The following TYW1B variants were observed in gnomAD, a reference collection of about 807,000 sequenced individuals.
TYW1B encodes tRNA-yW synthesizing protein 1 homolog B, also known as S-adenosyl-L-methionine-dependent tRNA 4-demethylwyosine synthase TYW1B.
A neutral mutation model predicts 86.9 loss-of-function variants in TYW1B; 73 were observed. The observed-to-expected ratio is 0.84, with a 90% CI of 0.70 to 1.02. TYW1B has a LOEUF of 1.02. TYW1B is among the 50% of genes least tolerant of loss of function. TYW1B has a pLI of 0.00. For missense variants in TYW1B, 637 were observed against 827.4 expected (o/e 0.77, Z 2.82); for synonymous variants, 248 against 292.8 (o/e 0.85, Z 1.56).
intron 10 of TYW1B, among the ~76,000 whole-genome samples, chr7:72,706,379 A>G (rs1814614207): frequency 6.9e-6 from 1 of 145,914 alleles, no homozygotes; most frequent in Non-Finnish European, 1.5e-5. Context: ...GTGAGCCGAG[A>G]TCGCACCAGT....
chr7:72,755,456 A>C (rs1359813644), intron 7 of TYW1B, among the ~76,000 whole-genome samples: 2 of 152,140 alleles, frequency 1.3e-5, no homozygotes, highest in Middle Eastern at 3.2e-3. Context: ...TGGGCAGATC[A>C]TGAGAGTCCA....
At chr7:72,779,247 A>T (rs2129572068) in intron 6 of TYW1B, among the ~76,000 whole-genome samples, 1 of 152,320 alleles carries the variant, frequency 6.6e-6, no homozygotes, top group Non-Finnish European at 1.5e-5. Flanking sequence ...CTCACAGATG[A>T]GGTCTGACAT....
At chr7:72,689,068 G>A (rs1487381809) in intron 11 of TYW1B, among the ~76,000 whole-genome samples, 4 of 152,100 alleles carry the variant, frequency 2.6e-5, no homozygotes, top group Admixed American at 6.6e-5. Context: ...GGGGTCCCAC[G>A]GTTTACATGA....
intron 10 of TYW1B, among the ~76,000 whole-genome samples, chr7:72,697,574 A>C (rs1326448474): frequency 6.6e-6 from 1 of 152,170 alleles, no homozygotes; most frequent in Non-Finnish European, 1.5e-5. Context: ...CTCCCAGTAG[A>C]GTCACTTATC....
intron 3 of TYW1B, 21 bp downstream of exon 3, chr7:72,815,359 A>C: frequency 3.8e-6 from 6 of 1,563,008 alleles, no homozygotes; most frequent in Non-Finnish European, 5.2e-6. Flanking sequence ...GTTTTGATTG[A>C]AGAAAAAGAC....
At chr7:72,705,008 G>A (rs1162135301) in intron 10 of TYW1B, among the ~76,000 whole-genome samples, 12 of 152,092 alleles carry the variant, frequency 7.9e-5, no homozygotes, top group African/African-American at 2.7e-4. Context: ...AACAAGATAG[G>A]CTGGGGGGCG....
At chr7:72,676,492 G>A (rs1554447448) in intron 11 of TYW1B, among the ~76,000 whole-genome samples, 1 of 152,194 alleles carries the variant, frequency 6.6e-6, no homozygotes, top group African/African-American at 2.4e-5. Flanking sequence ...GAGTGGTACA[G>A]TGACTGGCTT....
chr7:72,582,753 T>C (rs1554429791), intron 13 of TYW1B, among the ~76,000 whole-genome samples: 1 of 152,052 alleles, frequency 6.6e-6, no homozygotes, highest in East Asian at 1.9e-4. Flanking sequence ...TGATAGCAAA[T>C]CCAACGCATC....
At chr7:72,767,587 G>GT (rs1435664228) in intron 7 of TYW1B, among the ~76,000 whole-genome samples, 32 of 151,918 alleles carry the variant, frequency 2.1e-4, no homozygotes, top group African/African-American at 7.0e-4. Context: ...TCCAGCCTGG[G>GT]TGACAGAGCA....
chr7:72,807,404 G>C (rs576971371), intron 4 of TYW1B, 48 bp from the exon 5 acceptor site: 93 of 1,578,370 alleles, frequency 5.9e-5, no homozygotes, highest in African/African-American at 1.2e-4. Context: ...TCTAAATCAG[G>C]GTTTTCCAGA....
intron 11 of TYW1B, among the ~76,000 whole-genome samples, chr7:72,681,896 T>C (rs1554448531): frequency 6.7e-6 from 1 of 149,448 alleles, no homozygotes; most frequent in African/African-American, 2.5e-5. Context: ...TCTGTTTTTT[T>C]AGATGGAGTC....
intron 9 of TYW1B, among the ~76,000 whole-genome samples, chr7:72,722,090 A>T (rs1442204713): frequency 1.3e-5 from 2 of 152,174 alleles, no homozygotes; most frequent in African/African-American, 4.8e-5. Flanking sequence ...AGTCATAAAT[A>T]ATACCTGTTT....
intron 10 of TYW1B, 60 bp from the exon 11 acceptor site, chr7:72,694,882 TG>T: frequency 6.4e-7 from 1 of 1,562,124 alleles, no homozygotes; most frequent in African/African-American, 1.4e-5. Context: ...AGGCTTTCCA[TG>T]ATATAAAACC....
At chr7:72,611,361 C>T (rs1409165081) in intron 13 of TYW1B, among the ~76,000 whole-genome samples, 1 of 152,106 alleles carries the variant, frequency 6.6e-6, no homozygotes, top group Non-Finnish European at 1.5e-5. Flanking sequence ...CCTTGAATGG[C>T]AGTTCCCATA....
chr7:72,770,486 A>T (rs1787848939), intron 7 of TYW1B, among the ~76,000 whole-genome samples: 1 of 151,822 alleles, frequency 6.6e-6, no homozygotes. Flanking sequence ...CTTCACAACC[A>T]TTTCACAACC....
At chr7:72,809,678 A>AC (rs1396635823) in intron 4 of TYW1B, among the ~76,000 whole-genome samples, 1 of 151,038 alleles carries the variant, frequency 6.6e-6, no homozygotes, top group African/African-American at 2.4e-5. Flanking sequence ...ATTAAAAAAA[A>AC]ATTTTTTTTA....
chr7:72,627,931 A>G (rs1812387936), intron 12 of TYW1B, among the ~76,000 whole-genome samples: 1 of 152,238 alleles, frequency 6.6e-6, no homozygotes, highest in African/African-American at 2.4e-5. Context: ...CACATGGAAG[A>G]CGAAATTAAA....
intron 13 of TYW1B, among the ~76,000 whole-genome samples, chr7:72,582,961 A>C (rs146167932): frequency 8.0e-4 from 122 of 152,314 alleles, no homozygotes; most frequent in South Asian, 6.2e-4. Flanking sequence ...AAAATCATCT[A>C]AACAAAAATC....
At chr7:72,770,416 A>G (rs527664118) in intron 7 of TYW1B, among the ~76,000 whole-genome samples, 102 of 133,214 alleles carry the variant, frequency 7.7e-4, no homozygotes, top group African/African-American at 2.7e-3. Context: ...CAACAGAGTG[A>G]GACTCCGTCT....
Sources: allele counts gnomAD v4.1 joint callset (sites outside exome capture counted in the v4.1 genomes callset), GRCh38; gene constraint gnomAD v4.1.1; transcripts MANE v1.5; gene names NCBI Gene and HGNC (gene_info 2026-07-23, HGNC 2026-07-21).